Variants in GLG1 observed in about 807,000 individuals in gnomAD.
GLG1 encodes golgi glycoprotein 1, also known as Golgi apparatus protein 1.
A neutral mutation model predicts 160.5 loss-of-function variants in GLG1; 38 were observed. The ratio of observed to expected loss-of-function variants is 0.24; its 90% CI spans 0.18 to 0.31. The LOEUF (loss-of-function observed/expected upper bound fraction) is 0.31, where lower values mean the gene tolerates loss of function less well. Ranked by LOEUF, GLG1 falls within the 10% of genes least tolerant of loss-of-function variation. GLG1 has a pLI of 1.00. For synonymous variants in GLG1, 644 were observed against 543.4 expected (o/e 1.19, Z -2.57); for missense variants, 1,373 against 1,505.2 (o/e 0.91, Z 1.45).
chr16:74,510,727 A>T (rs1462614817), intron 2 of GLG1, among the ~76,000 whole-genome samples: 1 of 152,228 alleles, frequency 6.6e-6, no homozygotes, highest in Non-Finnish European at 1.5e-5. Flanking sequence ...ACTGTGTTCC[A>T]GACACAGTGT....
At chr16:74,558,901 T>A (rs546159190) in intron 1 of GLG1, among the ~76,000 whole-genome samples, 1 of 152,318 alleles carries the variant, frequency 6.6e-6, no homozygotes, top group South Asian at 2.1e-4. Flanking sequence ...TTTTATATTT[T>A]CTTAGAGACG....
intron 1 of GLG1, among the ~76,000 whole-genome samples, chr16:74,572,538 A>C (rs986813617): frequency 6.6e-6 from 1 of 151,614 alleles, no homozygotes; most frequent in African/African-American, 2.4e-5. Context: ...AAAAAAAAAA[A>C]AACACAAAAC....
In GLG1 at chr16:74,493,860, C is replaced by T. The variant is rs56198619; in HGVS notation, c.1051-720G>A. On this transcript the variant is annotated intron_variant, in intron 6 of 25. Coordinates refer to ENST00000422840, the MANE Select transcript of GLG1 (RefSeq NM_001145667.2). ...TTAGTGTGGTTTTATATAAAATTCT[C>T]TGATTTTACTCCCCAAACAAAGTAA... Among the ~76,000 whole-genome samples the T allele has an allele frequency of 2.0e-5, 3 of 152,048 alleles. No individual in the cohort carries two copies. In the South Asian group the frequency reaches 6.2e-4, roughly 32 times the overall value.
At chr16:74,467,331 C>T (rs1991064) in intron 18 of GLG1, among the ~76,000 whole-genome samples, 150,834 of 152,332 alleles carry the variant, frequency 0.99, 74,709 homozygotes, top group East Asian at 1. Context: ...TAGGGTCCTG[C>T]TTCTGTCTAT....
In GLG1 at chr16:74,452,297, A is replaced by G; in HGVS notation, c.*870T>C. 7.0e-7 allele frequency: 1 copy of G among 1,430,042 alleles called. No homozygotes were observed. The highest frequency in any genetic ancestry group is 2.6e-5 in the East Asian group (1 of 38,878). 88.6% of individuals were successfully genotyped at this position (1,430,042 alleles called of 1,614,324 possible). On this transcript the variant is annotated 3_prime_UTR_variant, in exon 26 of 26. Transcript: ENST00000422840. ...AGCAGGGCCGGTCCAGACATGGCTG[A>G]GTCCTGTGCTGCCCTGGAGGAGGAA...
intron 1 of GLG1, among the ~76,000 whole-genome samples, chr16:74,559,772 T>C (rs568129005): frequency 1.3e-5 from 2 of 152,232 alleles, no homozygotes; most frequent in South Asian, 2.1e-4. Flanking sequence ...TTCTGACATA[T>C]GTATTTTCAG....
At chr16:74,597,749 G>A (rs566310580) in intron 1 of GLG1, among the ~76,000 whole-genome samples, 29 of 152,088 alleles carry the variant, frequency 1.9e-4, no homozygotes, top group African/African-American at 6.7e-4. Flanking sequence ...AGCTACTCGG[G>A]AGGCTGAAGC....
At chr16:74,516,733 C>CA (rs1287198636) in intron 2 of GLG1, among the ~76,000 whole-genome samples, 1 of 152,004 alleles carries the variant, frequency 6.6e-6, no homozygotes, top group Non-Finnish European at 1.5e-5. Context: ...GACAGAGACA[C>CA]AAAAAACCCT....
intron 2 of GLG1, among the ~76,000 whole-genome samples, chr16:74,516,019 T>C (rs1365415188): frequency 6.6e-6 from 1 of 151,534 alleles, no homozygotes; most frequent in East Asian, 1.9e-4. Context: ...CCTAAACATA[T>C]ATGCACCCAA....
At position 74,606,920 on chromosome 16, in the gene GLG1, C is replaced by T; in HGVS notation, c.175G>A (p.Ala59Thr). 5.6e-6 allele frequency: 9 copies of T among 1,606,908 alleles called. No individual in the cohort carries two copies. The highest frequency in any genetic ancestry group is 7.6e-6 in the Non-Finnish European group (9 of 1,178,252). ...GGCAGCTGGGGCAGCTGCTGACCCG[C>T]CGGGCCGCCGCCTCCGGCCTGCCCT... ...FVGQAGGGGPAGQQLPQLPQS... is the reference protein window; with the variant it reads ...FVGQAGGGGPTGQQLPQLPQS... The change falls in exon 1 of 26, where the codon GCG (alanine) becomes ACG (threonine). Residue 59 changes from alanine to threonine, a missense_variant. Ala to Thr is a moderately conservative substitution (Grantham distance 58, BLOSUM62 0). Transcript: ENST00000422840.
chr16:74,546,939 T>A (rs2018065357), intron 1 of GLG1, among the ~76,000 whole-genome samples: 1 of 151,422 alleles, frequency 6.6e-6, no homozygotes, highest in Non-Finnish European at 1.5e-5. Flanking sequence ...GAAGCCTTCC[T>A]TCCCCAAAGG....
chr16:74,467,580 A>G (rs1251481163), intron 18 of GLG1, among the ~76,000 whole-genome samples, 176 bp downstream of exon 18: 1 of 152,158 alleles, frequency 6.6e-6, no homozygotes, highest in Non-Finnish European at 1.5e-5. Flanking sequence ...AACCCAAGGA[A>G]ACGCAGCCTG....
chr16:74,492,939 A>G lies in GLG1; in HGVS notation c.1234+18T>C, dbSNP rs2016055821. 1 of 1,525,892 alleles carries G rather than the reference A, an allele frequency of 6.6e-7. No homozygotes were observed. The highest frequency in any genetic ancestry group is 8.8e-7 in the Non-Finnish European group (1 of 1,132,382). 94.5% of individuals were successfully genotyped at this position (1,525,892 alleles called of 1,614,324 possible). Reference sequence around the variant, plus strand: ...AAAGGAACAGAAATGATAATTAAAAAAAAAATATGAATGCTACCTCTGTGT... The same window carrying G: ...AAAGGAACAGAAATGATAATTAAAAGAAAAATATGAATGCTACCTCTGTGT... On this transcript the variant is annotated intron_variant, in intron 7 of 25. Coordinates refer to ENST00000422840, the MANE Select transcript of GLG1 (RefSeq NM_001145667.2).
At chr16:74,545,117 T>C (rs565986599) in intron 1 of GLG1, among the ~76,000 whole-genome samples, 13 of 152,166 alleles carry the variant, frequency 8.5e-5, no homozygotes, top group Non-Finnish European at 1.9e-4. Flanking sequence ...AAGGAATAAA[T>C]TCAGGAAATT....
At chr16:74,478,875 C>G (rs1278330295) in intron 11 of GLG1, among the ~76,000 whole-genome samples, 1 of 104,368 alleles carries the variant, frequency 9.6e-6, no homozygotes, top group Admixed American at 1.1e-4. Flanking sequence ...CCTGGGCCAA[C>G]AAGAGTGAAA....
At chr16:74,558,229 T>C in intron 1 of GLG1, among the ~76,000 whole-genome samples, 1 of 152,172 alleles carries the variant, frequency 6.6e-6, no homozygotes, top group South Asian at 2.1e-4. Flanking sequence ...CTCACCAACA[T>C]TTCACTTTTG....
At chr16:74,572,169 A>C (rs994463288) in intron 1 of GLG1, among the ~76,000 whole-genome samples, 1 of 152,196 alleles carries the variant, frequency 6.6e-6, no homozygotes, top group South Asian at 2.1e-4. Context: ...CTGAAGGTTA[A>C]GTTGATCACC....
chr16:74,539,373 T>C (rs910537164), intron 1 of GLG1, among the ~76,000 whole-genome samples: 2 of 152,148 alleles, frequency 1.3e-5, no homozygotes, highest in Non-Finnish European at 2.9e-5. Flanking sequence ...AAATTAGAGC[T>C]CATTTATCCC....
At chr16:74,581,927 C>G (rs1253351641) in intron 1 of GLG1, among the ~76,000 whole-genome samples, 1 of 152,026 alleles carries the variant, frequency 6.6e-6, no homozygotes, top group African/African-American at 2.4e-5. Context: ...CAAAACAAAA[C>G]AAAACAAAAA....
Sources: allele counts gnomAD v4.1 joint callset (sites outside exome capture counted in the v4.1 genomes callset), GRCh38; gene constraint gnomAD v4.1.1; transcripts MANE v1.5; gene names NCBI Gene and HGNC (gene_info 2026-07-23, HGNC 2026-07-21).